Variants in MOK observed in about 807,000 individuals in gnomAD.
MOK encodes MAPK/MAK/MRK overlapping kinase.
In MOK, 59 loss-of-function variants were observed where a neutral mutation model predicts 54.2. The observed-to-expected ratio is 1.09, with a 90% CI of 0.88 to 1.35. The LOEUF (loss-of-function observed/expected upper bound fraction) is 1.35, where lower values mean the gene tolerates loss of function less well. MOK is among the 40% of genes most tolerant of loss of function. The pLI is 0.00. For missense variants in MOK, 517 were observed against 526.2 expected (o/e 0.98, Z 0.17); for synonymous variants, 210 against 202.7 (o/e 1.04, Z -0.31).
the MOK span, among the ~76,000 whole-genome samples, chr14:102,218,296 C>T: frequency 1.3e-5 from 2 of 152,208 alleles, no homozygotes; most frequent in African/African-American, 4.8e-5. Context: ...ATCCACATCC[C>T]ACAGCTGTCT....
intron 2 of MOK, among the ~76,000 whole-genome samples, chr14:102,282,303 G>A (rs1463068117): frequency 2.0e-5 from 3 of 152,090 alleles, no homozygotes; most frequent in Non-Finnish European, 2.9e-5. Flanking sequence ...CAGGCTGAGC[G>A]TGATGGCTCA....
chr14:102,231,971 T>C lies in MOK; in HGVS notation c.867-150A>G. Reference sequence around the variant, plus strand: ...AGCTGTAATCAGGAGCCTTTTTTTTTCTTTTCTGTCTCAGCCTGACAGTCT... The same window carrying C: ...AGCTGTAATCAGGAGCCTTTTTTTTCCTTTTCTGTCTCAGCCTGACAGTCT... On this transcript the variant is annotated intron_variant, in intron 9 of 11. Coordinates refer to ENST00000361847, the MANE Select transcript of MOK (RefSeq NM_014226.3). The surrounding 1 kb of genome is among the most constrained non-coding windows in gnomAD (Gnocchi z 4.4). 2 of 585,904 alleles carry C rather than the reference T, an allele frequency of 3.4e-6. No homozygotes were observed. Among genetic ancestry groups the C allele is most frequent in the Non-Finnish European group, 2.9e-6 (1 of 342,170 alleles). 36.3% of individuals were successfully genotyped at this position (585,904 alleles called of 1,614,324 possible). A position where few individuals can be genotyped will look rare whatever the true frequency, so the allele number is the denominator to read the frequency against.
intron 1 of MOK, among the ~76,000 whole-genome samples, chr14:102,292,324 T>C (rs1232840274): frequency 2.0e-5 from 3 of 151,692 alleles, no homozygotes; most frequent in Non-Finnish European, 4.4e-5. Flanking sequence ...ATGTGAAAAA[T>C]TAGCCGGGCA....
At chr14:102,261,240 C>T (rs1241684545) in intron 4 of MOK, among the ~76,000 whole-genome samples, 15 of 123,102 alleles carry the variant, frequency 1.2e-4, no homozygotes, top group East Asian at 4.3e-4. Flanking sequence ...GGCAACAGAG[C>T]GAGACTCTGC....
chr14:102,257,851 C>A (rs2067092831), intron 4 of MOK, among the ~76,000 whole-genome samples: 1 of 151,992 alleles, frequency 6.6e-6, no homozygotes, highest in Admixed American at 6.6e-5. Context: ...GTGGCACGCA[C>A]CTGTAGTCCC....
In MOK at chr14:102,251,801, A is replaced by C. The variant is rs1409915442; in HGVS notation, c.366T>G (p.Asn122Lys). Residue 122 changes from asparagine to lysine, a missense_variant, in exon 6 of 12, where the codon AAT becomes AAG. Physicochemically the swap from Asn to Lys is moderately conservative, Grantham distance 94 (BLOSUM62 0). Coordinates refer to ENST00000361847, the MANE Select transcript of MOK (RefSeq NM_014226.3). ...GTTTTACATCTCTGTGAAATATTCC[A>C]TTTCTGCATTCAGTATAAAGGAAAA... ...LCKSLDHIHR[N>K]GIFHRDVKPE... 6.4e-7 allele frequency: 1 copy of C among 1,570,836 alleles called. No homozygotes were observed. Among genetic ancestry groups the C allele is most frequent in the Admixed American group, 1.7e-5 (1 of 59,444 alleles).
chr14:102,228,922 A>G lies in MOK; in HGVS notation c.*367T>C, dbSNP rs2064376501. The G allele has an allele frequency of 7.7e-6, 2 of 258,844 alleles. No homozygotes were observed. Among genetic ancestry groups the G allele is most frequent in the East Asian group, 8.2e-5 (1 of 12,264 alleles). 16.0% of individuals were successfully genotyped at this position (258,844 alleles called of 1,614,324 possible). A position where few individuals can be genotyped will look rare whatever the true frequency, so the allele number is the denominator to read the frequency against. ...ACATGATGGCGCTCCACGACTGACC[A>G]GCAGCGCTGGGAAGGGACACGCAGA... On this transcript the variant is annotated 3_prime_UTR_variant, in exon 12 of 12. Coordinates refer to ENST00000361847, the MANE Select transcript of MOK (RefSeq NM_014226.3).
chr14:102,251,919 G>A lies in MOK; in HGVS notation c.360C>T (p.His120=). The A allele has an allele frequency of 6.3e-7, 1 of 1,598,170 alleles. No homozygotes were observed. The highest frequency in any genetic ancestry group is 8.6e-7 in the Non-Finnish European group (1 of 1,167,844). ...YQLCKSLDHI[H]RNGIFHRDVK... ...CTGTCAAATCTCCGAGAGCATACCT[G>A]TGAATATGATCCAGGGACTTACATA... The change falls in exon 5 of 12, where the codon CAC becomes CAT. Residue 120 remains histidine, a splice_region_variant and synonymous_variant. Coordinates refer to ENST00000361847, the MANE Select transcript of MOK (RefSeq NM_014226.3).
Position 102,265,822 on chromosome 14 carries a change from C to T in MOK, c.212+1G>A. ...ACTTTTCAAGCTCCAAATATACTTACAAAACCACTTCATGCAACATAAGAA... is the reference window on the plus strand; with the variant it reads ...ACTTTTCAAGCTCCAAATATACTTATAAAACCACTTCATGCAACATAAGAA... On this transcript the variant is annotated splice_donor_variant, in intron 3 of 11. Transcript: ENST00000361847. LOFTEE classifies it high-confidence loss of function. 6.2e-7 allele frequency: 1 copy of T among 1,612,266 alleles called. No individual in the cohort carries two copies. The highest frequency in any genetic ancestry group is 2.2e-5 in the East Asian group (1 of 44,866).
At chr14:102,265,773 G>C in intron 3 of MOK, 50 bp downstream of exon 3, 1 of 1,449,198 alleles carries the variant, frequency 6.9e-7, no homozygotes, top group Non-Finnish European at 9.7e-7. Context: ...CTTAAAAAGA[G>C]ATTATTTTCA....
At chr14:102,299,183 G>C (rs1327094641) in intron 1 of MOK, among the ~76,000 whole-genome samples, 1 of 152,108 alleles carries the variant, frequency 6.6e-6, no homozygotes, top group Non-Finnish European at 1.5e-5. Flanking sequence ...AAAAAAGACA[G>C]TTTAAACCTC....
chr14:102,288,510 T>A (rs906143927), intron 1 of MOK, among the ~76,000 whole-genome samples: 1 of 152,146 alleles, frequency 6.6e-6, no homozygotes, highest in African/African-American at 2.4e-5. Flanking sequence ...GGAAATAGAT[T>A]TGTAATTGCC....
chr14:102,272,541 C>T (rs2068463990), intron 2 of MOK, among the ~76,000 whole-genome samples: 1 of 151,706 alleles, frequency 6.6e-6, no homozygotes, highest in Non-Finnish European at 1.5e-5. Flanking sequence ...ACTATCAAAT[C>T]CAGGAACATG....
Position 102,230,751 on chromosome 14 carries a change from G to A in MOK, c.981+956C>T, listed in dbSNP as rs2153081824. 1 of 152,884 alleles carries A rather than the reference G, an allele frequency of 6.5e-6. No homozygotes were observed. The highest frequency in any genetic ancestry group is 1.9e-4 in the East Asian group (1 of 5,194). 9.5% of individuals were successfully genotyped at this position (152,884 alleles called of 1,614,324 possible). A position where few individuals can be genotyped will look rare whatever the true frequency, so the allele number is the denominator to read the frequency against. ...TAGGAGGCAAGAAGGCGAAGCCCCT[G>A]TGGGATGAAGGAAGGGTCCACGGGG... On this transcript the variant is annotated intron_variant, in intron 10 of 11. Coordinates refer to ENST00000361847, the MANE Select transcript of MOK (RefSeq NM_014226.3). This position sits in a 1 kb window ranked among gnomAD's most constrained non-coding sequence, Gnocchi z 4.1.
At position 102,252,451 on chromosome 14, in the gene MOK, G is replaced by A. The variant is rs113678563; in HGVS notation, c.284-456C>T. Among the ~76,000 whole-genome samples, 118 of 149,828 alleles carry A rather than the reference G, an allele frequency of 7.9e-4. 2 individuals are homozygous for A. Among genetic ancestry groups the A allele is most frequent in the Middle Eastern group, 6.8e-3 (2 of 294 alleles). ...GCCTGGGCAACAGGAGCAAAACTCC[G>A]TCCAAAAAAAAAAAATCTATATAAT... On this transcript the variant is annotated intron_variant, in intron 4 of 11. Coordinates refer to ENST00000361847, the MANE Select transcript of MOK (RefSeq NM_014226.3).
At chr14:102,281,607 T>G (rs1170100696) in intron 2 of MOK, among the ~76,000 whole-genome samples, 1 of 150,254 alleles carries the variant, frequency 6.7e-6, no homozygotes, top group Non-Finnish European at 1.5e-5. Flanking sequence ...TGTTTTTTTG[T>G]GTTTTTTTTT....
At chr14:102,294,852 C>T (rs189619094) in intron 1 of MOK, among the ~76,000 whole-genome samples, 16 of 152,242 alleles carry the variant, frequency 1.1e-4, no homozygotes, top group African/African-American at 3.1e-4. Flanking sequence ...CAGGCTGGCT[C>T]GAAACCATCA....
At chr14:102,225,502 T>G (rs771401258), downstream of MOK, 1 of 152,336 alleles carries the variant, frequency 6.6e-6, no homozygotes, top group Non-Finnish European at 1.5e-5. Flanking sequence ...GATCCAGCCG[T>G]GTCCAAAACT....
intron 2 of MOK, among the ~76,000 whole-genome samples, chr14:102,276,454 G>A (rs2068871589): frequency 6.6e-6 from 1 of 151,962 alleles, no homozygotes; most frequent in Admixed American, 6.6e-5. Flanking sequence ...GCCAGCCTGG[G>A]TGATAGAGCG....
Sources: allele counts gnomAD v4.1 joint callset (sites outside exome capture counted in the v4.1 genomes callset), GRCh38; gene constraint gnomAD v4.1.1; non-coding constraint Gnocchi (gnomAD v3.1); transcripts MANE v1.5; gene names NCBI Gene and HGNC (gene_info 2026-07-23, HGNC 2026-07-21).